CLEC2A: variants seen among roughly 807,000 people sequenced by gnomAD.
The protein encoded by CLEC2A is C-type lectin domain family 2 member A.
A neutral mutation model predicts 18.6 loss-of-function variants in CLEC2A; 19 were observed. That is an observed-to-expected ratio of 1.02 (90% CI 0.71 to 1.50). The LOEUF (loss-of-function observed/expected upper bound fraction) is 1.50. CLEC2A is among the 40% of genes most tolerant of loss of function. The pLI, the probability that CLEC2A is intolerant of heterozygous loss-of-function variation, is 0.00. For synonymous variants in CLEC2A, 74 were observed against 64.0 expected, an observed-to-expected ratio of 1.16 and a Z score of -0.75; for missense variants, 190 against 207.9, an observed-to-expected ratio of 0.91 and a Z score of 0.53.
intron 1 of CLEC2A, among the ~76,000 whole-genome samples, chr12:9,931,113 C>T (rs1455223528): frequency 6.6e-6 from 1 of 152,056 alleles, no homozygotes; most frequent in Non-Finnish European, 1.5e-5. Flanking sequence ...CCAGTACATG[C>T]TTCACAGTAC....
intron 4 of CLEC2A, chr12:9,899,119 G>T: frequency 6.5e-6 from 3 of 464,656 alleles, no homozygotes; most frequent in South Asian, 3.6e-5. Context: ...AGCCCTACTA[G>T]TAAAAAAAAA....
At chr12:9,901,829 A>G (rs113540210) in intron 4 of CLEC2A, among the ~76,000 whole-genome samples, 227 of 152,346 alleles carry the variant, frequency 1.5e-3, no homozygotes, top group African/African-American at 5.3e-3. Flanking sequence ...ACCCTTTACA[A>G]ATTTTGCCAA....
intron 3 of CLEC2A, among the ~76,000 whole-genome samples, chr12:9,918,419 C>A (rs1458274807): frequency 6.6e-6 from 1 of 152,070 alleles, no homozygotes; most frequent in African/African-American, 2.4e-5. Context: ...AGGTGTGTGT[C>A]CTTATTTCTG....
chr12:9,923,985 G>A (rs1204129840), intron 2 of CLEC2A, among the ~76,000 whole-genome samples: 1 of 152,006 alleles, frequency 6.6e-6, no homozygotes, highest in Non-Finnish European at 1.5e-5. Flanking sequence ...AGAGTGGGGA[G>A]GGATAGCATT....
chr12:9,894,518 G>A (rs1184470764), downstream of CLEC2A, among the ~76,000 whole-genome samples: 1 of 152,020 alleles, frequency 6.6e-6, no homozygotes, highest in Non-Finnish European at 1.5e-5. Flanking sequence ...AAAGATCCAC[G>A]ATACTTTCTT....
rs1863214520 is a variant in CLEC2A at position 9,923,760 on chromosome 12, G to GTCCTTTTTT, written c.140-1529_140-1528insAAAAAAGGA. Among the ~76,000 whole-genome samples, 3 of 152,174 alleles carry GTCCTTTTTT rather than the reference G, an allele frequency of 2.0e-5. No homozygotes were observed. In the South Asian group the frequency reaches 6.2e-4, roughly 32 times the overall value. ...ATACTATGCAGCCTTAAAAAAGGAT[G>GTCCTTTTTT]AGTTCATGTCCTTTGTAGGGACATG... On this transcript the variant is annotated intron_variant, in intron 2 of 4. Coordinates refer to ENST00000455827, the MANE Select transcript of CLEC2A (RefSeq NM_001130711.2).
At chr12:9,892,901 A>AT in the CLEC2A span, 2 of 736,364 alleles carry the variant, frequency 2.7e-6, no homozygotes, top group African/African-American at 2.7e-5. Flanking sequence ...CTTTTTATTG[A>AT]CCAAAAAAAA....
downstream of CLEC2A, among the ~76,000 whole-genome samples, chr12:9,897,392 AT>A (rs111523076): frequency 9.6e-3 from 1,456 of 152,142 alleles, 19 homozygotes; most frequent in African/African-American, 0.034. Context: ...TATATTAAAG[AT>A]TAAATTTAAT....
chr12:9,898,041 G>A (rs902244540), downstream of CLEC2A, among the ~76,000 whole-genome samples: 1 of 152,202 alleles, frequency 6.6e-6, no homozygotes, highest in Admixed American at 6.5e-5. Context: ...AATGCTGTAA[G>A]CATAAAATGA....
downstream of CLEC2A, among the ~76,000 whole-genome samples, chr12:9,909,577 G>A (rs1420537911): frequency 6.6e-6 from 1 of 152,186 alleles, no homozygotes; most frequent in Non-Finnish European, 1.5e-5. Context: ...TTCTGAACTG[G>A]TTAGAGGAGC....
At chr12:9,925,712 C>T (rs996011555) in intron 2 of CLEC2A, among the ~76,000 whole-genome samples, 2 of 152,026 alleles carry the variant, frequency 1.3e-5, no homozygotes, top group Admixed American at 6.5e-5. Flanking sequence ...TTGAAACTTA[C>T]ATTTGTCTTA....
intron 4 of CLEC2A, among the ~76,000 whole-genome samples, chr12:9,915,363 A>C (rs980403883): frequency 6.6e-6 from 1 of 152,124 alleles, no homozygotes; most frequent in Non-Finnish European, 1.5e-5. Flanking sequence ...TATATACCCA[A>C]AGGAATATAA....
chr12:9,887,956 T>C, the CLEC2A span, among the ~76,000 whole-genome samples: 6 of 148,818 alleles, frequency 4.0e-5, no homozygotes, highest in Non-Finnish European at 8.9e-5. Context: ...CTTGGGAAGC[T>C]GAGGCAAGAG....
At chr12:9,898,221 A>G (rs1862778792), downstream of CLEC2A, among the ~76,000 whole-genome samples, 1 of 152,188 alleles carries the variant, frequency 6.6e-6, no homozygotes, top group Non-Finnish European at 1.5e-5. Flanking sequence ...TAGAACTGAT[A>G]TTCATGACTT....
chr12:9,899,647 A>T (rs576628192), intron 4 of CLEC2A, among the ~76,000 whole-genome samples: 1 of 152,238 alleles, frequency 6.6e-6, no homozygotes, highest in East Asian at 1.9e-4. Flanking sequence ...AGCGGCTTTC[A>T]CCCCTGAAGC....
At chr12:9,880,067 C>G in the CLEC2A span, among the ~76,000 whole-genome samples, 1 of 152,180 alleles carries the variant, frequency 6.6e-6, no homozygotes, top group Admixed American at 6.5e-5. Flanking sequence ...TAAAATACGG[C>G]AGCTGGAATA....
the CLEC2A span, chr12:9,893,531 G>T: frequency 1.4e-6 from 2 of 1,453,106 alleles, no homozygotes; most frequent in Non-Finnish European, 1.9e-6. Context: ...ACACTTTTTA[G>T]TTCCAGAATT....
downstream of CLEC2A, among the ~76,000 whole-genome samples, chr12:9,910,790 G>C (rs1280466206): frequency 6.6e-6 from 1 of 152,132 alleles, no homozygotes; most frequent in African/African-American, 2.4e-5. Flanking sequence ...CATGCTGGGG[G>C]AGGTCCTGAT....
the CLEC2A span, among the ~76,000 whole-genome samples, chr12:9,887,269 AAG>A: frequency 6.6e-6 from 1 of 152,182 alleles, no homozygotes; most frequent in East Asian, 1.9e-4. Flanking sequence ...AATACATAGA[AAG>A]AGATGATAGA....
Sources: gnomAD v4.1 joint callset for allele counts (sites outside exome capture counted in the v4.1 genomes callset) on GRCh38, gnomAD v4.1.1 for gene constraint, MANE v1.5 for transcripts, NCBI Gene and HGNC (gene_info 2026-07-23, HGNC 2026-07-21) for gene names.